The following SLC25A38 variants were observed in gnomAD, a reference collection of about 807,000 sequenced individuals.
SLC25A38 encodes mitochondrial glycine transporter.
Under a neutral mutation model 33.4 loss-of-function variants are expected in SLC25A38, and 27 were observed. The observed-to-expected ratio is 0.81, with a 90% CI of 0.60 to 1.11. The LOEUF is 1.11. Among genes scored for constraint, SLC25A38 ranks in the 50% most tolerant of loss-of-function variants. The probability of loss-of-function intolerance (pLI) is 0.00; values close to 1 mark genes in which losing one functional copy is unlikely to be tolerated. For synonymous variants in SLC25A38, 123 were observed against 145.9 expected, an observed-to-expected ratio of 0.84 and a Z score of 1.13; for missense variants, 344 against 388.8, an observed-to-expected ratio of 0.88 and a Z score of 0.97.
chr3:39,391,925 C>T lies in SLC25A38; in HGVS notation c.529C>T (p.Leu177Phe). 2 of 1,614,160 alleles carry T rather than the reference C, an allele frequency of 1.2e-6. No homozygotes were observed. Among genetic ancestry groups the T allele is most frequent in the Non-Finnish European group, 8.5e-7 (1 of 1,180,020 alleles). Residue 177 changes from leucine (L) to phenylalanine (F), a missense_variant, in exon 5 of 7, where the codon CTC (leucine) becomes TTC (phenylalanine). Leu to Phe is a conservative substitution (Grantham distance 22, BLOSUM62 0). Transcript: ENST00000650617. ...SIYHSEGHRG[L>F]FSGLTATLLR... ...CTATCACAGTGAGGGGCACCGGGGC[C>T]TCTTCAGTGGCCTGACAGCAACTCT...
rs1282222585 is a variant in SLC25A38, at chr3:39,389,422, T to C, written c.70-73T>C. 1.2e-6 allele frequency: 2 copies of C among 1,612,688 alleles called. No individual in the cohort carries two copies. The highest frequency in any genetic ancestry group is 2.2e-5 in the South Asian group (2 of 90,834). On this transcript the variant is annotated intron_variant, in intron 1 of 6. Transcript: ENST00000650617. The surrounding 1 kb of genome is among the most constrained non-coding windows in gnomAD (Gnocchi z 4.5). Reference sequence around the variant, plus strand: ...TCTAAGAGACCATTATAAAGGAATTTGCTGGTCAGGTATAGAGAAAGGTGA... The same window carrying C: ...TCTAAGAGACCATTATAAAGGAATTCGCTGGTCAGGTATAGAGAAAGGTGA...
At chr3:39,394,748 T>A (rs1193756123) in intron 6 of SLC25A38, among the ~76,000 whole-genome samples, 172 bp downstream of exon 6, 1 of 152,152 alleles carries the variant, frequency 6.6e-6, no homozygotes, top group Non-Finnish European at 1.5e-5. Context: ...ATTTTTTTTT[T>A]AATGTTCCCC....
intron 5 of SLC25A38, 58 bp from the exon 6 acceptor site, chr3:39,394,352 G>T: frequency 1.2e-6 from 2 of 1,607,248 alleles, no homozygotes; most frequent in South Asian, 2.2e-5. Flanking sequence ...AACTTGCACT[G>T]ACCTTTATCT....
Position 39,389,591 on chromosome 3 carries a change from C to T in SLC25A38, c.166C>T (p.Gln56Ter), listed in dbSNP as rs866266558. ...TCTGGATCTCCTTAAAACACGCCTG[C>T]AAACCCTCCAGCCCTCAGATCATGG... ...QPLDLLKTRL[Q>*]TLQPSDHGSR... Residue 56 changes from glutamine to a stop codon, truncating the protein, a stop_gained, in exon 2 of 7, where the codon CAA becomes TAA. Transcript: ENST00000650617. LOFTEE classifies it high-confidence loss of function. The surrounding 1 kb of genome is among the most constrained non-coding windows in gnomAD (Gnocchi z 4.5). 6.2e-7 allele frequency: 1 copy of T among 1,614,178 alleles called. No homozygotes were observed.
In SLC25A38 at chr3:39,391,465, G is replaced by A. The variant is rs766425717; in HGVS notation, c.301G>A (p.Val101Ile). 2.8e-5 allele frequency: 45 copies of A among 1,613,928 alleles called. No individual in the cohort carries two copies. Among genetic ancestry groups the A allele is most frequent in the African/African-American group, 8.0e-5 (6 of 75,036 alleles). The change falls in exon 4 of 7, where the codon GTT (valine) becomes ATT (isoleucine). Residue 101 changes from valine (V) to isoleucine (I), a missense_variant. Around this residue, in one of 2 missense-constraint regions of SLC25A38, gnomAD observed 269 missense variants for 271.8 expected, o/e 0.99. Coordinates refer to ENST00000650617, the MANE Select transcript of SLC25A38 (RefSeq NM_017875.4). ...GTCCATTGTGAGATGTGTCCCTGGC[G>A]TTGGAATCTACTTTGGCACTCTCTA... is the stretch of plus-strand genomic sequence containing the variant. ...SPSIVRCVPG[V>I]GIYFGTLYSL...
chr3:39,393,699 A>G (rs1300027908), intron 5 of SLC25A38, among the ~76,000 whole-genome samples: 3 of 152,102 alleles, frequency 2.0e-5, no homozygotes, highest in Non-Finnish European at 4.4e-5. Flanking sequence ...GAGTTGCACC[A>G]TGTTGCCCAG....
At chr3:39,391,675 T>G (rs2041770239) in intron 4 of SLC25A38, 55 bp downstream of exon 4, 14 of 1,612,522 alleles carry the variant, frequency 8.7e-6, no homozygotes, top group Non-Finnish European at 1.2e-5. Flanking sequence ...ACTGGGCTCC[T>G]GGGGAGTGAC....
intron 6 of SLC25A38, 77 bp from the exon 7 acceptor site, chr3:39,396,321 C>G: frequency 6.3e-7 from 1 of 1,590,758 alleles, no homozygotes; most frequent in Non-Finnish European, 8.6e-7. Flanking sequence ...AACAGAGACC[C>G]TCACTGTGGT....
rs150889211 is a variant in SLC25A38, at chr3:39,397,010, G to A, written c.*490G>A. The A allele has an allele frequency of 1.1e-3, 224 of 212,414 alleles. No homozygotes were observed. The highest frequency in any genetic ancestry group is 1.6e-3 in the Non-Finnish European group (169 of 103,308). 13.2% of individuals were successfully genotyped at this position (212,414 alleles called of 1,614,324 possible). A position where few individuals can be genotyped will look rare whatever the true frequency, so the allele number is the denominator to read the frequency against. Reference sequence around the variant, plus strand: ...GACTGAGGTGATGGTAGGATGAGGAGGAACAGATGCCCTTCTTTAATTGGT... The same window carrying A: ...GACTGAGGTGATGGTAGGATGAGGAAGAACAGATGCCCTTCTTTAATTGGT... On this transcript the variant is annotated 3_prime_UTR_variant, in exon 7 of 7. Coordinates refer to ENST00000650617, the MANE Select transcript of SLC25A38 (RefSeq NM_017875.4).
chr3:39,395,923 GT>G (rs1360893167), intron 6 of SLC25A38, among the ~76,000 whole-genome samples: 4 of 149,618 alleles, frequency 2.7e-5, no homozygotes, highest in African/African-American at 1.0e-4. Context: ...AAAAAAAATG[GT>G]TTTTGGCCAA....
At chr3:39,391,712 T>C in intron 4 of SLC25A38, 92 bp downstream of exon 4, 1 of 1,604,696 alleles carries the variant, frequency 6.2e-7, no homozygotes, top group Non-Finnish European at 8.5e-7. Context: ...TGATTTGTAA[T>C]CTAACATAGA....
chr3:39,396,225 T>G (rs987861409), intron 6 of SLC25A38, among the ~76,000 whole-genome samples, 173 bp from the exon 7 acceptor site: 1 of 141,770 alleles, frequency 7.1e-6, no homozygotes, highest in African/African-American at 2.5e-5. Context: ...AAAAAAAAAT[T>G]TTTTTTAAGT....
intron 3 of SLC25A38, 115 bp downstream of exon 3, chr3:39,390,622 C>A: frequency 9.6e-7 from 1 of 1,037,854 alleles, no homozygotes; most frequent in Non-Finnish European, 1.5e-6. Context: ...GTGGGAGTAC[C>A]TATGTGGTCT....
At chr3:39,393,256 A>C (rs2041793555) in intron 5 of SLC25A38, among the ~76,000 whole-genome samples, 1 of 152,134 alleles carries the variant, frequency 6.6e-6, no homozygotes, top group Non-Finnish European at 1.5e-5. Flanking sequence ...ACTGCACTCC[A>C]GCACTCCAGC....
chr3:39,389,362 G>C lies in SLC25A38; in HGVS notation c.70-133G>C. 1 of 1,398,254 alleles carries C rather than the reference G, an allele frequency of 7.2e-7. No homozygotes were observed. The highest frequency in any genetic ancestry group is 1.0e-6 in the Non-Finnish European group (1 of 993,640). The allele number at this position is 1,398,254 out of a possible 1,614,324, so 86.6% of individuals were successfully genotyped here. A position where few individuals can be genotyped will look rare whatever the true frequency, so the allele number is the denominator to read the frequency against. On this transcript the variant is annotated intron_variant, in intron 1 of 6. Transcript: ENST00000650617. The surrounding 1 kb of genome is among the most constrained non-coding windows in gnomAD (Gnocchi z 4.5). ...TGGCTATACTTTTTCCTTCTCCGAG[G>C]TATGAAGAAAACATGAGGCACCACC...
At chr3:39,386,570 G>T (rs2041709995) in intron 1 of SLC25A38, among the ~76,000 whole-genome samples, 1 of 152,172 alleles carries the variant, frequency 6.6e-6, no homozygotes, top group African/African-American at 2.4e-5. Context: ...GCAAGACCTT[G>T]TCTCTAAATA....
chr3:39,389,405 A>C lies in SLC25A38; in HGVS notation c.70-90A>C. ...GCACCACCAGGTAAGTGTCTAAGAG[A>C]CCATTATAAAGGAATTTGCTGGTCA... On this transcript the variant is annotated intron_variant, in intron 1 of 6. Transcript: ENST00000650617. This position sits in a 1 kb window ranked among gnomAD's most constrained non-coding sequence, Gnocchi z 4.5. The C allele has an allele frequency of 6.2e-7, 1 of 1,604,738 alleles. No homozygotes were observed. Among genetic ancestry groups the C allele is most frequent in the Non-Finnish European group, 8.5e-7 (1 of 1,172,608 alleles).
At position 39,383,685 on chromosome 3, in the gene SLC25A38, C is replaced by G; in HGVS notation, c.-40C>G. 1 of 1,612,630 alleles carries G rather than the reference C, an allele frequency of 6.2e-7. No individual in the cohort carries two copies. Among genetic ancestry groups the G allele is most frequent in the South Asian group, 1.1e-5 (1 of 91,062 alleles). ...AGGGCTGGGCCCAAGCGCCCGTCGA[C>G]GGCACCCTGGGCCCAGAGGACTCGC... On this transcript the variant is annotated 5_prime_UTR_variant, in exon 1 of 7. Coordinates refer to ENST00000650617, the MANE Select transcript of SLC25A38 (RefSeq NM_017875.4).
chr3:39,384,712 A>T, intron 1 of SLC25A38: 1 of 397,448 alleles, frequency 2.5e-6, no homozygotes, highest in Non-Finnish European at 4.4e-6. Flanking sequence ...TCGTGTGCGT[A>T]TTATTGTTTA....
Sources: gnomAD v4.1 joint callset for allele counts (sites outside exome capture counted in the v4.1 genomes callset) on GRCh38, gnomAD v4.1.1 for gene constraint, gnomAD v4.1.1 regional missense constraint, Gnocchi (gnomAD v3.1) non-coding constraint, MANE v1.5 for transcripts, NCBI Gene and HGNC (gene_info 2026-07-23, HGNC 2026-07-21) for gene names.